The following MEOX1 variants were observed in gnomAD, a reference collection of about 807,000 sequenced individuals.
MEOX1 encodes the protein homeobox protein MOX-1.
MEOX1 carries 17 observed loss-of-function variants against 23.2 expected under a neutral mutation model. The observed-to-expected ratio is 0.73, with a 90% CI of 0.50 to 1.10. The LOEUF (loss-of-function observed/expected upper bound fraction) is 1.10. Ranked by LOEUF, MEOX1 falls within the 50% of genes least tolerant of loss-of-function variation. The pLI is 0.00. For missense variants in MEOX1, 333 were observed against 332.2 expected (o/e 1.00, Z -0.02); for synonymous variants, 134 against 135.1 (o/e 0.99, Z 0.06).
At chr17:43,649,760 G>T (rs1383481273) in intron 1 of MEOX1, among the ~76,000 whole-genome samples, 1 of 152,198 alleles carries the variant, frequency 6.6e-6, no homozygotes, top group Non-Finnish European at 1.5e-5. Context: ...CTGGCCCTCA[G>T]TGGGCTGCCT....
chr17:43,645,578 C>G (rs565060734), intron 1 of MEOX1, among the ~76,000 whole-genome samples: 4 of 152,326 alleles, frequency 2.6e-5, no homozygotes, highest in African/African-American at 9.6e-5. Context: ...CCATCTCTGC[C>G]TTGCCGGCGA....
chr17:43,647,152 A>G (rs1414313747), intron 1 of MEOX1, among the ~76,000 whole-genome samples: 1 of 152,182 alleles, frequency 6.6e-6, no homozygotes, highest in Non-Finnish European at 1.5e-5. Flanking sequence ...GCGGCCTATG[A>G]GTGGATACTG....
chr17:43,646,457 C>T (rs1353281287), intron 1 of MEOX1, among the ~76,000 whole-genome samples: 4 of 152,202 alleles, frequency 2.6e-5, no homozygotes, highest in Admixed American at 1.3e-4. Context: ...TCTCCCGTCC[C>T]GAGGCTTAGT....
At chr17:43,649,047 G>A (rs1421855398) in intron 1 of MEOX1, among the ~76,000 whole-genome samples, 1 of 152,164 alleles carries the variant, frequency 6.6e-6, no homozygotes, top group East Asian at 1.9e-4. Flanking sequence ...TGCAAAGCAG[G>A]AATAGCTACA....
chr17:43,646,333 C>G (rs1756762852), intron 1 of MEOX1, among the ~76,000 whole-genome samples: 1 of 152,200 alleles, frequency 6.6e-6, no homozygotes, highest in Non-Finnish European at 1.5e-5. Context: ...CGGGGAGGGT[C>G]GGTCACGAGC....
intron 1 of MEOX1, among the ~76,000 whole-genome samples, chr17:43,649,885 T>A (rs779270192): frequency 1.4e-4 from 22 of 152,238 alleles, no homozygotes; most frequent in Non-Finnish European, 3.2e-4. Context: ...GGTGTGCATG[T>A]GATTGCGGTT....
chr17:43,643,808 C>A (rs1209777572), intron 1 of MEOX1, 148 bp from the exon 2 acceptor site: 16 of 569,986 alleles, frequency 2.8e-5, no homozygotes, highest in Non-Finnish European at 3.8e-5. Flanking sequence ...CTTTTTATTC[C>A]TTCTGGTGTC....
rs889300553 is a variant in MEOX1 at position 43,641,397 on chromosome 17, G to A, written c.*513C>T. ...TTCTTGGGGTTTCGGGACAACTAAG[G>A]GGCCCCAAAGCCTCAGATGTGCAGC... is the stretch of plus-strand genomic sequence containing the variant. On this transcript the variant is annotated 3_prime_UTR_variant, in exon 3 of 3. Coordinates refer to ENST00000318579, the MANE Select transcript of MEOX1 (RefSeq NM_004527.4). 3 of 152,806 alleles carry A rather than the reference G, an allele frequency of 2.0e-5. No individual in the cohort carries two copies. The highest frequency in any genetic ancestry group is 6.5e-5 in the Admixed American group (1 of 15,398). 9.5% of individuals were successfully genotyped at this position (152,806 alleles called of 1,614,324 possible). A position where few individuals can be genotyped will look rare whatever the true frequency, so the allele number is the denominator to read the frequency against.
At chr17:43,651,147 T>C (rs1483963224) in intron 1 of MEOX1, among the ~76,000 whole-genome samples, 2 of 151,980 alleles carry the variant, frequency 1.3e-5, no homozygotes, top group African/African-American at 4.8e-5. Flanking sequence ...TGAAACCCCA[T>C]CTCCACTAAA....
At chr17:43,655,523 T>C (rs1262144901) in intron 1 of MEOX1, among the ~76,000 whole-genome samples, 1 of 150,644 alleles carries the variant, frequency 6.6e-6, no homozygotes, top group African/African-American at 2.4e-5. Context: ...TGGAATGTTA[T>C]TGTCTTCAGA....
intron 1 of MEOX1, 37 bp from the exon 2 acceptor site, chr17:43,643,697 T>C (rs1162277043): frequency 9.6e-6 from 15 of 1,569,794 alleles, no homozygotes; most frequent in African/African-American, 1.4e-5. Flanking sequence ...AGACATGGGC[T>C]GAGGGAGACT....
At chr17:43,658,720 C>T (rs1973086363) in intron 1 of MEOX1, among the ~76,000 whole-genome samples, 1 of 152,132 alleles carries the variant, frequency 6.6e-6, no homozygotes, top group African/African-American at 2.4e-5. Flanking sequence ...GCGTCACTTT[C>T]CCCCTTCTTT....
chr17:43,658,903 G>T (rs1973089646), intron 1 of MEOX1, among the ~76,000 whole-genome samples: 1 of 152,208 alleles, frequency 6.6e-6, no homozygotes, highest in South Asian at 2.1e-4. Flanking sequence ...TCTGCTGCTG[G>T]TGCTCCTGAG....
At chr17:43,649,290 C>CTTTTTTTTTTTT (rs10694288) in intron 1 of MEOX1, among the ~76,000 whole-genome samples, 1 of 86,206 alleles carries the variant, frequency 1.2e-5, no homozygotes, top group East Asian at 3.8e-4. Context: ...GGCCTTTCAG[C>CTTTTTTTTTTTT]TTTTTTTTTT....
intron 1 of MEOX1, among the ~76,000 whole-genome samples, chr17:43,651,807 C>G (rs948322055): frequency 2.6e-5 from 4 of 152,210 alleles, no homozygotes; most frequent in Admixed American, 2.6e-4. Flanking sequence ...ATCCTGAGTC[C>G]CTAGCATGGG....
At chr17:43,657,026 C>CTTTCTTTCTTTCT (rs1567748297) in intron 1 of MEOX1, among the ~76,000 whole-genome samples, 1 of 127,632 alleles carries the variant, frequency 7.8e-6, no homozygotes, top group East Asian at 2.1e-4. Context: ...TTCTTTCTTT[C>CTTTCTTTCTTTCT]TTTCTTTCTT....
chr17:43,648,404 G>C (rs1972849399), intron 1 of MEOX1, among the ~76,000 whole-genome samples: 3 of 150,732 alleles, frequency 2.0e-5, no homozygotes, highest in Non-Finnish European at 4.4e-5. Context: ...GGGAGGCGGA[G>C]CTTGCAGTGA....
intron 1 of MEOX1, among the ~76,000 whole-genome samples, chr17:43,651,207 T>C (rs1249101312): frequency 3.9e-5 from 6 of 152,186 alleles, no homozygotes; most frequent in African/African-American, 1.4e-4. Flanking sequence ...TAGTCCCAGC[T>C]ACTCGGGAGG....
In MEOX1 at chr17:43,641,757, C is replaced by G. The variant is rs1157224044; in HGVS notation, c.*153G>C. 1.3e-6 allele frequency: 1 copy of G among 775,488 alleles called. No homozygotes were observed. The highest frequency in any genetic ancestry group is 2.0e-6 in the Non-Finnish European group (1 of 495,434). 48.0% of individuals were successfully genotyped at this position (775,488 alleles called of 1,614,324 possible). The stretch of plus-strand genomic sequence containing the variant: ...GAACTTCCTAGAAAATCCTAAGACT[C>G]CCAGGAATGCTGGGCAGTTTCATAT... On this transcript the variant is annotated 3_prime_UTR_variant, in exon 3 of 3. Coordinates refer to ENST00000318579, the MANE Select transcript of MEOX1 (RefSeq NM_004527.4).
Sources: allele counts gnomAD v4.1 joint callset (sites outside exome capture counted in the v4.1 genomes callset), GRCh38; gene constraint gnomAD v4.1.1; transcripts MANE v1.5; gene names NCBI Gene and HGNC (gene_info 2026-07-23, HGNC 2026-07-21).